GABRA5: variants seen among roughly 807,000 people sequenced by gnomAD.
GABRA5 encodes gamma-aminobutyric acid receptor subunit alpha-5.
In GABRA5, 18 loss-of-function variants were observed where a neutral mutation model predicts 47.3. The ratio of observed to expected loss-of-function variants is 0.38; its 90% confidence interval spans 0.26 to 0.56. The LOEUF is 0.56. Among genes scored for constraint, GABRA5 ranks in the 20% least tolerant of loss-of-function variants. The pLI, the probability that GABRA5 is intolerant of heterozygous loss-of-function variation, is 0.71. For synonymous variants in GABRA5, 237 were observed against 229.3 expected (o/e 1.03, Z -0.30); for missense variants, 365 against 599.3 (o/e 0.61, Z 4.08).
chr15:26,925,794 A>G (rs181962148), intron 7 of GABRA5, among the ~76,000 whole-genome samples: 55 of 152,104 alleles, frequency 3.6e-4, no homozygotes, highest in African/African-American at 1.2e-3. Context: ...ATTTTTATTT[A>G]TTTGTTTTTA....
chr15:26,878,117 T>C (rs1892642616), intron 3 of GABRA5, among the ~76,000 whole-genome samples: 1 of 152,208 alleles, frequency 6.6e-6, no homozygotes, highest in South Asian at 2.1e-4. Context: ...TTTCCACCTG[T>C]AGGACTCATC....
intron 7 of GABRA5, among the ~76,000 whole-genome samples, chr15:26,932,586 A>G (rs1271529493): frequency 6.6e-6 from 1 of 152,188 alleles, no homozygotes; most frequent in Non-Finnish European, 1.5e-5. Flanking sequence ...AACCAGAAAT[A>G]CCATTTGACC....
chr15:26,873,120 G>GTAC (rs780133602), intron 3 of GABRA5, among the ~76,000 whole-genome samples: 2 of 152,136 alleles, frequency 1.3e-5, no homozygotes, highest in Non-Finnish European at 2.9e-5. Context: ...ATTACTTGAA[G>GTAC]TACTATATTT....
rs534628164 is a variant in GABRA5 at position 26,919,127 on chromosome 15, T to C, written c.580+4242T>C. 8.1e-5 allele frequency among the ~76,000 whole-genome samples: 12 copies of C among 147,260 alleles called. No individual in the cohort carries two copies. The East Asian group carries it at 2.4e-3, about 29-fold the overall frequency. On this transcript the variant is annotated intron_variant, in intron 7 of 10. Transcript: ENST00000335625. ...CACTGCACTCCAGCCTAGGCAATAG[T>C]GTAACACCCTGTCTCAAGAAACAAA... is the stretch of plus-strand genomic sequence containing the variant.
intron 6 of GABRA5, among the ~76,000 whole-genome samples, chr15:26,912,606 A>G (rs1330151993): frequency 2.6e-5 from 4 of 152,224 alleles, no homozygotes; most frequent in African/African-American, 9.6e-5. Flanking sequence ...CAGCTAATTG[A>G]TAATTACACA....
chr15:26,886,505 C>T (rs1892883080), intron 6 of GABRA5, among the ~76,000 whole-genome samples: 1 of 152,170 alleles, frequency 6.6e-6, no homozygotes, highest in South Asian at 2.1e-4. Flanking sequence ...TCAGACAGCC[C>T]TGCCAACCAG....
Position 26,947,928 on chromosome 15 carries a change from T to C in GABRA5, c.1090-6T>C, listed in dbSNP as rs1341403247. ...CGTGTCCTTACATTCGTATTATATTTTGCAGAAAAAGCGTGAAGTCATACT... is the reference window on the plus strand; with the variant it reads ...CGTGTCCTTACATTCGTATTATATTCTGCAGAAAAAGCGTGAAGTCATACT... On this transcript the variant is annotated splice_polypyrimidine_tract_variant and splice_region_variant and intron_variant, in intron 10 of 10. Coordinates refer to ENST00000335625, the MANE Select transcript of GABRA5 (RefSeq NM_000810.4). 6.4e-7 allele frequency: 1 copy of C among 1,563,504 alleles called. No individual in the cohort carries two copies. The highest frequency in any genetic ancestry group is 1.9e-5 in the Admixed American group (1 of 52,106).
rs927283836 is a variant in GABRA5 at position 26,867,598 on chromosome 15, G to A, written c.-140+487G>A. On this transcript the variant is annotated intron_variant, in intron 1 of 10. Coordinates refer to ENST00000335625, the MANE Select transcript of GABRA5 (RefSeq NM_000810.4). This position sits in a 1 kb window ranked among gnomAD's most constrained non-coding sequence, Gnocchi z 5.9. ...CGACTGCGGGGCTGAAGCCGGGCGC[G>A]GGAGAGAGCGGGGTCCGGGCGGCTC... Among the ~76,000 whole-genome samples the A allele has an allele frequency of 6.6e-6, 1 of 152,016 alleles. No homozygotes were observed.
At chr15:26,939,492 C>A (rs1413346286) in intron 8 of GABRA5, 5 of 722,618 alleles carry the variant, frequency 6.9e-6, no homozygotes, top group South Asian at 1.4e-5. Flanking sequence ...TGGGAGTGGT[C>A]GTCTCACCTC....
chr15:26,897,667 A>C (rs1449382560), intron 6 of GABRA5, among the ~76,000 whole-genome samples: 2 of 152,150 alleles, frequency 1.3e-5, no homozygotes, highest in Non-Finnish European at 2.9e-5. Flanking sequence ...GATAACACTT[A>C]AAGTTTCAGG....
At position 26,894,313 on chromosome 15, in the gene GABRA5, G is replaced by A. The variant is rs566641209; in HGVS notation, c.497+10756G>A. On this transcript the variant is annotated intron_variant, in intron 6 of 10. Transcript: ENST00000335625. ...CGCAAACCTCGACTCCAGAGAGGCCGGTGTGCGTCCAGGGGCCACCCCTTC... is the reference window on the plus strand; with the variant it reads ...CGCAAACCTCGACTCCAGAGAGGCCAGTGTGCGTCCAGGGGCCACCCCTTC... Among the ~76,000 whole-genome samples the A allele has an allele frequency of 3.3e-5, 5 of 152,280 alleles. No individual in the cohort carries two copies. In the East Asian group the frequency reaches 7.8e-4, roughly 24 times the overall value.
At chr15:26,914,918 A>G (rs756697420) in intron 7 of GABRA5, 33 bp downstream of exon 7, 24 of 1,556,368 alleles carry the variant, frequency 1.5e-5, no homozygotes, top group East Asian at 2.2e-5. Flanking sequence ...AGCCTTGGAC[A>G]TATACTTTGG....
intron 6 of GABRA5, among the ~76,000 whole-genome samples, chr15:26,900,026 A>G (rs530721838): frequency 6.6e-6 from 1 of 151,868 alleles, no homozygotes; most frequent in East Asian, 1.9e-4. Flanking sequence ...TTTAATTTTC[A>G]TGTAATTTCT....
intron 3 of GABRA5, among the ~76,000 whole-genome samples, chr15:26,873,684 G>T (rs1016715659): frequency 6.6e-6 from 1 of 152,106 alleles, no homozygotes; most frequent in Non-Finnish European, 1.5e-5. Context: ...TTTTTAAATG[G>T]AAAGTTCTCC....
chr15:26,875,486 C>T (rs775443837), intron 3 of GABRA5, among the ~76,000 whole-genome samples: 8 of 152,148 alleles, frequency 5.3e-5, no homozygotes, highest in African/African-American at 4.8e-5. Context: ...ATGATGATTG[C>T]TATGAAGAGT....
At chr15:26,933,483 C>T (rs1172503860) in intron 7 of GABRA5, among the ~76,000 whole-genome samples, 1 of 152,216 alleles carries the variant, frequency 6.6e-6, no homozygotes, top group Admixed American at 6.5e-5. Flanking sequence ...CCTTGCTTCT[C>T]ACTGCTGTCT....
chr15:26,923,684 T>G (rs943903308), intron 7 of GABRA5, among the ~76,000 whole-genome samples: 3 of 152,156 alleles, frequency 2.0e-5, no homozygotes, highest in African/African-American at 4.8e-5. Context: ...CTTTGAACAC[T>G]CTTTCTGGTC....
rs969853746 is a variant in GABRA5, at chr15:26,920,716, G to A, written c.580+5831G>A. ...CTCCCAATCTTCATAAACTGGCATT[G>A]TACAGGGAAAGACCTTCACCAGTCC... On this transcript the variant is annotated intron_variant, in intron 7 of 10. Coordinates refer to ENST00000335625, the MANE Select transcript of GABRA5 (RefSeq NM_000810.4). Among the ~76,000 whole-genome samples, 9 of 152,112 alleles carry A rather than the reference G, an allele frequency of 5.9e-5. 1 individual carries two copies. The highest frequency in any genetic ancestry group is 2.6e-4 in the Admixed American group (4 of 15,268).
Position 26,869,168 on chromosome 15 carries a change from T to G in GABRA5, c.-74-7T>G. On this transcript the variant is annotated splice_region_variant and splice_polypyrimidine_tract_variant and intron_variant, in intron 2 of 10. Coordinates refer to ENST00000335625, the MANE Select transcript of GABRA5 (RefSeq NM_000810.4). ...TCACGTGCTTCCCCGCTTTGTGTGC[T>G]TTTCAGCTTCAAGAACAAGCTGGAG... 1.1e-6 allele frequency: 1 copy of G among 886,430 alleles called. No individual in the cohort carries two copies. The allele number at this position is 886,430 out of a possible 1,614,324, so 54.9% of individuals were successfully genotyped here.
Sources: allele counts gnomAD v4.1 joint callset (sites outside exome capture counted in the v4.1 genomes callset), GRCh38; gene constraint gnomAD v4.1.1; non-coding constraint Gnocchi (gnomAD v3.1); transcripts MANE v1.5; gene names NCBI Gene and HGNC (gene_info 2026-07-23, HGNC 2026-07-21).